The following ECE1 variants were observed in gnomAD, a reference collection of about 807,000 sequenced individuals.
The protein encoded by ECE1 is endothelin-converting enzyme 1.
In ECE1, 35 loss-of-function variants were observed where a neutral mutation model predicts 98.6. The ratio of observed to expected loss-of-function variants is 0.35; its 90% CI spans 0.27 to 0.47. The LOEUF is 0.47. ECE1 is among the 20% of genes least tolerant of loss of function. The pLI is 1.00. For synonymous variants in ECE1, 394 were observed against 407.1 expected (o/e 0.97, Z 0.39); for missense variants, 814 against 1,025.3 (o/e 0.79, Z 2.81).
intron 4 of ECE1, among the ~76,000 whole-genome samples, chr1:21,272,392 A>T (rs555275723): frequency 1.8e-4 from 28 of 152,238 alleles, no homozygotes; most frequent in African/African-American, 6.5e-4. Context: ...CCCAGTTTCA[A>T]GCGATTCTCC....
At chr1:21,256,204 G>T (rs1309725624) in intron 7 of ECE1, 66 bp from the exon 8 acceptor site, 4 of 1,528,482 alleles carry the variant, frequency 2.6e-6, no homozygotes, top group Non-Finnish European at 1.8e-6. Context: ...GAGAGTTGGT[G>T]GGGGGCTTGG....
intron 1 of ECE1, among the ~76,000 whole-genome samples, chr1:21,338,553 G>A (rs755993315): frequency 4.6e-5 from 7 of 152,220 alleles, no homozygotes; most frequent in Non-Finnish European, 8.8e-5. Flanking sequence ...GCACAACTTC[G>A]AGTCTATCCT....
chr1:21,282,914 T>G (rs902194170), intron 2 of ECE1, among the ~76,000 whole-genome samples: 7 of 150,636 alleles, frequency 4.6e-5, no homozygotes, highest in Non-Finnish European at 8.8e-5. Context: ...ATTTTGATAG[T>G]GCAATTCTAT....
In ECE1 at chr1:21,318,845, C is replaced by CG. The variant is rs201385905; in HGVS notation, c.3+26530dup. 8.6e-3 allele frequency among the ~76,000 whole-genome samples: 1,304 copies of CG among 152,280 alleles called. 8 individuals carry two copies. The highest frequency in any genetic ancestry group is 0.014 in the Non-Finnish European group (921 of 68,030). On this transcript the variant is annotated intron_variant, in intron 1 of 18. Coordinates refer to the ECE1 transcript ENST00000415912. ...GCAAGAGCTACAGCTCCCCAGAGGC[C>CG]GCACTTCTGTCGGGGGAGACGCTGA...
intron 1 of ECE1, among the ~76,000 whole-genome samples, chr1:21,305,421 CCG>C (rs1638574316): frequency 1.3e-5 from 2 of 152,202 alleles, no homozygotes; most frequent in African/African-American, 2.4e-5. Context: ...ACTCAGGCCT[CCG>C]ACAACTGTAA....
At chr1:21,330,947 C>T (rs374426067) in intron 1 of ECE1, among the ~76,000 whole-genome samples, 2 of 152,158 alleles carry the variant, frequency 1.3e-5, no homozygotes, top group East Asian at 1.9e-4. Context: ...ATAAGGACTA[C>T]GACCAGCTGG....
At chr1:21,272,943 G>A in intron 3 of ECE1, 32 bp from the exon 4 acceptor site, 2 of 1,612,416 alleles carry the variant, frequency 1.2e-6, no homozygotes, top group Non-Finnish European at 1.7e-6. Context: ...GGCCAGTGAA[G>A]GGCAGGCAGG....
intron 4 of ECE1, among the ~76,000 whole-genome samples, chr1:21,269,430 G>T (rs1020582091): frequency 6.6e-6 from 1 of 152,172 alleles, no homozygotes; most frequent in Non-Finnish European, 1.5e-5. Flanking sequence ...AAGAAATAAT[G>T]ACTTTGTTCT....
chr1:21,224,011 C>T (rs892681300), intron 17 of ECE1, among the ~76,000 whole-genome samples: 4 of 152,106 alleles, frequency 2.6e-5, no homozygotes, highest in African/African-American at 9.7e-5. Context: ...TAGCCGCAGC[C>T]GACAGAAGCC....
At chr1:21,329,000 T>C (rs1440616579) in intron 1 of ECE1, among the ~76,000 whole-genome samples, 1 of 152,122 alleles carries the variant, frequency 6.6e-6, no homozygotes, top group Non-Finnish European at 1.5e-5. Context: ...AATCTCTCTC[T>C]AGACTCCCAC....
intron 2 of ECE1, among the ~76,000 whole-genome samples, chr1:21,283,616 A>G (rs2098257459): frequency 6.6e-6 from 1 of 152,118 alleles, no homozygotes. Context: ...TTAGCTCCAG[A>G]AGAAACCCAG....
chr1:21,284,995 C>A (rs1294986966), intron 2 of ECE1, among the ~76,000 whole-genome samples: 1 of 152,242 alleles, frequency 6.6e-6, no homozygotes, highest in South Asian at 2.1e-4. Flanking sequence ...TCCGAAAGTT[C>A]CCCAAAGTCA....
Position 21,233,685 on chromosome 1 carries a change from A to G in ECE1, c.1567-24T>C, listed in dbSNP as rs562330917. 15 of 1,605,406 alleles carry G rather than the reference A, an allele frequency of 9.3e-6. No homozygotes were observed. The African/African-American group carries it at 1.9e-4, about 20-fold the overall frequency. Reference sequence around the variant, plus strand: ...TACTAGAAAAGAAGAAGTGGAGTCAATCACAGTGTGCCCTCGGTGGTGTGC... The same window carrying G: ...TACTAGAAAAGAAGAAGTGGAGTCAGTCACAGTGTGCCCTCGGTGGTGTGC... On this transcript the variant is annotated intron_variant, in intron 13 of 18. Coordinates refer to ENST00000374893, the MANE Select transcript of ECE1 (RefSeq NM_001397.3). This position sits in a 1 kb window ranked among gnomAD's most constrained non-coding sequence, Gnocchi z 4.0.
rs1295219667 is a variant in ECE1, at chr1:21,258,207, A to T, written c.762+486T>A. 6.6e-6 allele frequency among the ~76,000 whole-genome samples: 1 copy of T among 152,168 alleles called. No individual in the cohort carries two copies. ...CTTGCCCAAGGTCACACAGTGACTGAATGGTAGAGATGGGCTGGGAACTCA... is the reference window on the plus strand; with the variant it reads ...CTTGCCCAAGGTCACACAGTGACTGTATGGTAGAGATGGGCTGGGAACTCA... On this transcript the variant is annotated intron_variant, in intron 6 of 18. Transcript: ENST00000374893. This position sits in a 1 kb window ranked among gnomAD's most constrained non-coding sequence, Gnocchi z 4.2.
intron 14 of ECE1, among the ~76,000 whole-genome samples, chr1:21,228,350 C>A (rs781396879): frequency 1.3e-5 from 2 of 152,160 alleles, no homozygotes; most frequent in Non-Finnish European, 2.9e-5. Flanking sequence ...CAGGCGTGAG[C>A]CACTGTGCCT....
chr1:21,337,548 AC>A (rs1162338642), intron 1 of ECE1, among the ~76,000 whole-genome samples: 1 of 152,170 alleles, frequency 6.6e-6, no homozygotes, highest in East Asian at 1.9e-4. Context: ...ATACTATACC[AC>A]AATTTTTAGA....
chr1:21,310,061 C>T (rs1332121154), intron 1 of ECE1, among the ~76,000 whole-genome samples: 1 of 152,158 alleles, frequency 6.6e-6, no homozygotes, highest in African/African-American at 2.4e-5. Flanking sequence ...TCCCAAAGTG[C>T]TGGGATTACA....
rs1236789105 is a variant in ECE1 at position 21,319,759 on chromosome 1, C to T, written c.3+25617G>A. ...TGTTCCCTAGTTTGTCTTGGTCCCC[C>T]AGAGGGCCAACAAGCAGTCTGGGTG... is the stretch of plus-strand genomic sequence containing the variant. On this transcript the variant is annotated intron_variant, in intron 1 of 18. Transcript: ENST00000415912. The surrounding 1 kb of genome is among the most constrained non-coding windows in gnomAD (Gnocchi z 4.4). Among the ~76,000 whole-genome samples the T allele has an allele frequency of 6.6e-6, 1 of 152,184 alleles. No homozygotes were observed. The highest frequency in any genetic ancestry group is 1.5e-5 in the Non-Finnish European group (1 of 68,022).
At chr1:21,248,959 T>C (rs2098208148) in intron 8 of ECE1, among the ~76,000 whole-genome samples, 1 of 152,076 alleles carries the variant, frequency 6.6e-6, no homozygotes, top group African/African-American at 2.4e-5. Context: ...GGTCTTGGTG[T>C]CCACAGCTAG....
Sources: allele counts gnomAD v4.1 joint callset (sites outside exome capture counted in the v4.1 genomes callset), GRCh38; gene constraint gnomAD v4.1.1; non-coding constraint Gnocchi (gnomAD v3.1); transcripts MANE v1.5; gene names NCBI Gene and HGNC (gene_info 2026-07-23, HGNC 2026-07-21).